The following DDX60 variants were observed in gnomAD, a reference collection of about 807,000 sequenced individuals.
The protein encoded by DDX60 is probable ATP-dependent RNA helicase DDX60.
DDX60 carries 165 observed loss-of-function variants against 212.8 expected under a neutral mutation model. The ratio of observed to expected loss-of-function variants is 0.78; its 90% confidence interval spans 0.68 to 0.88. DDX60 has a LOEUF of 0.88. DDX60 is among the 40% of genes least tolerant of loss of function. DDX60 has a pLI of 0.00. For missense variants in DDX60, 1,905 were observed against 2,003.9 expected (o/e 0.95, Z 0.94); for synonymous variants, 703 against 685.3 (o/e 1.03, Z -0.40).
At chr4:168,288,728 T>C (rs1177528670) in intron 8 of DDX60, among the ~76,000 whole-genome samples, 1 of 152,172 alleles carries the variant, frequency 6.6e-6, no homozygotes, top group Admixed American at 6.5e-5. Context: ...TGTTTGAGTG[T>C]TCAGGGACCT....
Position 168,226,948 on chromosome 4 carries a change from G to A in DDX60, c.4534-1272C>T, listed in dbSNP as rs187867978. Among the ~76,000 whole-genome samples, 124 of 152,062 alleles carry A rather than the reference G, an allele frequency of 8.2e-4. 1 individual carries two copies. Among genetic ancestry groups the A allele is most frequent in the African/African-American group, 2.0e-3 (84 of 41,508 alleles). ...TACCAAAAAATAGCTAGAAAGACTGGTCTCTTCTCAGCCTCCGAAACTGTG... is the reference window on the plus strand; with the variant it reads ...TACCAAAAAATAGCTAGAAAGACTGATCTCTTCTCAGCCTCCGAAACTGTG... On this transcript the variant is annotated intron_variant, in intron 33 of 37. Transcript: ENST00000393743.
intron 1 of DDX60, among the ~76,000 whole-genome samples, chr4:168,313,228 T>C (rs527381449): frequency 6.6e-6 from 1 of 152,298 alleles, no homozygotes; most frequent in South Asian, 2.1e-4. Context: ...GTTGAAAAGA[T>C]GATGAAGACT....
intron 10 of DDX60, among the ~76,000 whole-genome samples, chr4:168,286,301 G>A (rs1232295398): frequency 6.7e-6 from 1 of 149,618 alleles, no homozygotes; most frequent in African/African-American, 2.5e-5. Context: ...TCATGAAAAT[G>A]AAATAAAAAA....
intron 6 of DDX60, among the ~76,000 whole-genome samples, chr4:168,297,355 A>AC (rs1736425094): frequency 1.3e-5 from 1 of 77,012 alleles, no homozygotes; most frequent in Non-Finnish European, 2.4e-5. Flanking sequence ...AGAAAGAAAG[A>AC]AAGAAAGAAA....
At chr4:168,253,638 C>T (rs1370024976) in intron 26 of DDX60, among the ~76,000 whole-genome samples, 1 of 152,162 alleles carries the variant, frequency 6.6e-6, no homozygotes. Flanking sequence ...TAGAATCAGG[C>T]TATATTCTAG....
Position 168,262,740 on chromosome 4 carries a change from T to C in DDX60, c.3087A>G (p.Glu1029=). ...FPPDLTLSPR[E]SIQLYDAMFQ... is the part of the protein sequence containing the mutation. ...ACATGGCATCATACAGCTGGATGCT[T>C]TCTCGAGGTGAAAGGGTAAGATCAG... The change falls in exon 23 of 38, where the codon GAA becomes GAG. Residue 1029 remains glutamate, a synonymous_variant. Coordinates refer to ENST00000393743, the MANE Select transcript of DDX60 (RefSeq NM_017631.6). 1 of 1,612,616 alleles carries C rather than the reference T, an allele frequency of 6.2e-7. No individual in the cohort carries two copies. Among genetic ancestry groups the C allele is most frequent in the South Asian group, 1.1e-5 (1 of 90,844 alleles).
In DDX60 at chr4:168,217,013, A is replaced by C. The variant is rs1030834745; in HGVS notation, c.5059T>G (p.Cys1687Gly). Reference protein sequence around the residue: ...KSISVSLRELCENEDDNVVLA... With the variant: ...KSISVSLRELGENEDDNVVLA... The stretch of plus-strand genomic sequence containing the variant: ...ACAACGTTGTCGTCTTCATTTTCAC[A>C]TAGCTCACGCAAGGAAACACTGGAA... Residue 1687 changes from cysteine to glycine, a missense_variant, in exon 38 of 38, where the codon TGT becomes GGT. Transcript: ENST00000393743. 3.3e-5 allele frequency: 53 copies of C among 1,606,102 alleles called. No homozygotes were observed. The highest frequency in any genetic ancestry group is 4.3e-5 in the Non-Finnish European group (51 of 1,177,516).
intron 19 of DDX60, 121 bp from the exon 20 acceptor site, chr4:168,269,090 G>A (rs1012483247): frequency 5.9e-6 from 3 of 512,374 alleles, no homozygotes; most frequent in South Asian, 3.8e-5. Flanking sequence ...AAGTGACCAT[G>A]CCAAGTTTAA....
intron 3 of DDX60, 45 bp from the exon 4 acceptor site, chr4:168,308,240 T>A: frequency 8.5e-7 from 1 of 1,170,428 alleles, no homozygotes; most frequent in African/African-American, 1.6e-5. Flanking sequence ...ATGCATTAAA[T>A]CATGTTCCAA....
Position 168,318,685 on chromosome 4 carries a change from A to C in DDX60, c.-170T>G, listed in dbSNP as rs1238936610. ...CTGCGCGCCCCGCGGGGAGGGAGTG[A>C]AACAGAGACCTAGCGCAGAGCCCAG... On this transcript the variant is annotated 5_prime_UTR_variant, in exon 1 of 38. Coordinates refer to ENST00000393743, the MANE Select transcript of DDX60 (RefSeq NM_017631.6). 3 of 152,394 alleles carry C rather than the reference A, an allele frequency of 2.0e-5. No individual in the cohort carries two copies. Among genetic ancestry groups the C allele is most frequent in the African/African-American group, 7.2e-5 (3 of 41,482 alleles). 9.4% of individuals were successfully genotyped at this position (152,394 alleles called of 1,614,324 possible).
intron 16 of DDX60, among the ~76,000 whole-genome samples, chr4:168,274,637 G>A (rs1249962127): frequency 6.6e-6 from 1 of 152,164 alleles, no homozygotes; most frequent in African/African-American, 2.4e-5. Flanking sequence ...TTGGGCATCA[G>A]AAGAGTTACA....
At chr4:168,265,993 T>C (rs1734833786) in intron 22 of DDX60, among the ~76,000 whole-genome samples, 1 of 152,128 alleles carries the variant, frequency 6.6e-6, no homozygotes, top group Non-Finnish European at 1.5e-5. Context: ...CACAAGAATT[T>C]TGTCCATATT....
At chr4:168,315,194 A>C (rs760010640) in intron 1 of DDX60, among the ~76,000 whole-genome samples, 1 of 152,238 alleles carries the variant, frequency 6.6e-6, no homozygotes, top group Non-Finnish European at 1.5e-5. Flanking sequence ...ACTTAAATGT[A>C]TGAACTGATG....
chr4:168,299,836 A>G (rs895304369), intron 6 of DDX60, among the ~76,000 whole-genome samples: 1 of 152,180 alleles, frequency 6.6e-6, no homozygotes, highest in Non-Finnish European at 1.5e-5. Flanking sequence ...CCAGGACTAT[A>G]TGGCTTCACA....
chr4:168,322,226 TCA>T (rs532727290), upstream of DDX60, among the ~76,000 whole-genome samples: 443 of 152,340 alleles, frequency 2.9e-3, 1 homozygote, highest in African/African-American at 0.01. Context: ...TCCCTTGATT[TCA>T]GTTACAATCT....
chr4:168,296,874 CT>C (rs35177897), intron 6 of DDX60, among the ~76,000 whole-genome samples: 19,980 of 134,622 alleles, frequency 0.15, 1,402 homozygotes, highest in Non-Finnish European at 0.2. Flanking sequence ...AAAAAGTGAT[CT>C]TTTTTTTTTT....
rs754949606 is a variant in DDX60 at position 168,287,177 on chromosome 4, T to G, written c.1210A>C (p.Ile404Leu). ...CAGAGATATTCATAATCTTTCATAATGGTATCTCCCAAATTCAAATGTAGG... is the reference window on the plus strand; with the variant it reads ...CAGAGATATTCATAATCTTTCATAAGGGTATCTCCCAAATTCAAATGTAGG... ...KGLHLNLGDT[I>L]MKDYEYLWNT... Residue 404 changes from isoleucine to leucine, a missense_variant, in exon 10 of 38, where the codon ATT becomes CTT. Physicochemically the swap from Ile to Leu is conservative, Grantham distance 5. Coordinates refer to ENST00000393743, the MANE Select transcript of DDX60 (RefSeq NM_017631.6). 6.2e-7 allele frequency: 1 copy of G among 1,609,424 alleles called. No homozygotes were observed.
intron 6 of DDX60, among the ~76,000 whole-genome samples, chr4:168,295,559 C>A (rs1306447702): frequency 6.6e-6 from 1 of 152,172 alleles, no homozygotes; most frequent in South Asian, 2.1e-4. Flanking sequence ...TTGTTCAGAC[C>A]ATGAGGCACC....
rs1735896679 is a variant in DDX60 at position 168,287,150 on chromosome 4, T to C, written c.1237A>G (p.Asn413Asp). The change falls in exon 10 of 38, where the codon AAT becomes GAT. Residue 413 changes from asparagine (N) to aspartate (D), a missense_variant. By Grantham distance (23) the Asn-to-Asp change is conservative (BLOSUM62 1). Transcript: ENST00000393743. ...TIMKDYEYLW[N>D]TVSKLVRDFE... ...TCTCTGACCAACTTTGATACGGTATTCCAGAGATATTCATAATCTTTCATA... is the reference window on the plus strand; with the variant it reads ...TCTCTGACCAACTTTGATACGGTATCCCAGAGATATTCATAATCTTTCATA... 4 of 1,611,318 alleles carry C rather than the reference T, an allele frequency of 2.5e-6. No individual in the cohort carries two copies. The highest frequency in any genetic ancestry group is 1.7e-4 in the Middle Eastern group (1 of 5,972).
Sources: gnomAD v4.1 joint callset for allele counts (sites outside exome capture counted in the v4.1 genomes callset) on GRCh38, gnomAD v4.1.1 for gene constraint, MANE v1.5 for transcripts, NCBI Gene and HGNC (gene_info 2026-07-23, HGNC 2026-07-21) for gene names.